Variants in TRPM3 observed in about 807,000 individuals in gnomAD.
The protein encoded by TRPM3 is transient receptor potential cation channel subfamily M member 3.
In TRPM3, 77 loss-of-function variants were observed where a neutral mutation model predicts 181.2. The observed-to-expected ratio is 0.42, with a 90% CI of 0.35 to 0.51. The LOEUF (loss-of-function observed/expected upper bound fraction) is 0.51. TRPM3 is among the 20% of genes least tolerant of loss of function. The pLI, the probability that TRPM3 is intolerant of heterozygous loss-of-function variation, is 0.01. For missense variants in TRPM3, 1,759 were observed against 2,196.7 expected (o/e 0.80, Z 3.98); for synonymous variants, 745 against 796.4 (o/e 0.94, Z 1.09).
At chr9:70,868,208 G>C (rs1052071313) in intron 1 of TRPM3, among the ~76,000 whole-genome samples, 1 of 151,954 alleles carries the variant, frequency 6.6e-6, no homozygotes, top group Admixed American at 6.6e-5. Flanking sequence ...GTTTGTGAAG[G>C]GCTGGTTATT....
At chr9:71,373,501 T>C (rs1412444043) in intron 1 of TRPM3, among the ~76,000 whole-genome samples, 6 of 152,106 alleles carry the variant, frequency 3.9e-5, no homozygotes, top group Non-Finnish European at 8.8e-5. Flanking sequence ...TATACAAACC[T>C]CTATGCACAT....
intron 8 of TRPM3, among the ~76,000 whole-genome samples, chr9:70,748,301 G>A (rs548867906): frequency 2.6e-5 from 4 of 152,264 alleles, no homozygotes; most frequent in South Asian, 4.1e-4. Flanking sequence ...AAGAGAGAAT[G>A]TGGTGTTAAT....
intron 1 of TRPM3, among the ~76,000 whole-genome samples, chr9:71,061,445 G>A (rs943969262): frequency 6.6e-6 from 1 of 152,212 alleles, no homozygotes; most frequent in Non-Finnish European, 1.5e-5. Flanking sequence ...CCTGGCTGGT[G>A]TCAGGAAAGT....
chr9:70,822,657 T>C (rs2093273685), intron 6 of TRPM3, among the ~76,000 whole-genome samples: 1 of 152,030 alleles, frequency 6.6e-6, no homozygotes, highest in Admixed American at 6.5e-5. Flanking sequence ...ACAATGTAAA[T>C]ATATTTAAGG....
intron 1 of TRPM3, among the ~76,000 whole-genome samples, chr9:71,304,614 TG>T (rs1368075457): frequency 6.6e-6 from 1 of 152,212 alleles, no homozygotes; most frequent in Admixed American, 6.5e-5. Context: ...TATTGAATAG[TG>T]CATCATAGAC....
chr9:70,594,031 G>C (rs2058575916), intron 21 of TRPM3, among the ~76,000 whole-genome samples: 1 of 147,932 alleles, frequency 6.8e-6, no homozygotes, highest in Admixed American at 6.8e-5. Flanking sequence ...TTTTCATCTT[G>C]ACTTTGCTAG....
chr9:70,991,555 GTTTTTTTT>G (rs56157123), intron 1 of TRPM3, among the ~76,000 whole-genome samples: 1 of 124,536 alleles, frequency 8.0e-6, no homozygotes, highest in Non-Finnish European at 1.6e-5. Flanking sequence ...CTATGTGTCT[GTTTTTTTT>G]TTTTTTTTTT....
chr9:70,618,956 G>A lies in TRPM3; in HGVS notation c.2269C>T (p.Arg757Cys). The A allele has an allele frequency of 1.9e-6, 3 of 1,614,002 alleles. No individual in the cohort carries two copies. The highest frequency in any genetic ancestry group is 1.7e-6 in the Non-Finnish European group (2 of 1,179,998). Residue 757 changes from arginine to cysteine, a missense_variant, in exon 17 of 26, where the codon CGC becomes TGC. Coordinates refer to ENST00000677713, the MANE Select transcript of TRPM3 (RefSeq NM_001366145.2). ...CLQLAVAAKH[R>C]DFIAHTCSQM... The stretch of plus-strand genomic sequence containing the variant: ...CTGCACGTGTGCGCGATGAAGTCGC[G>A]GTGTTTGGCAGCCACGGCAAGCTGC...
chr9:70,793,351 G>A (rs1302830104), intron 6 of TRPM3, among the ~76,000 whole-genome samples: 1 of 151,380 alleles, frequency 6.6e-6, no homozygotes, highest in Non-Finnish European at 1.5e-5. Flanking sequence ...AGCTACTCAG[G>A]ACCCTGAGGT....
At chr9:70,639,732 C>A (rs556486533) in intron 10 of TRPM3, among the ~76,000 whole-genome samples, 1 of 147,080 alleles carries the variant, frequency 6.8e-6, no homozygotes, top group Non-Finnish European at 1.5e-5. Context: ...GAACAACCAG[C>A]CTACTTTCTG....
chr9:71,420,999 A>AAGGGAGAGAAAAAG (rs2093759846), intron 1 of TRPM3, among the ~76,000 whole-genome samples: 1 of 111,038 alleles, frequency 9.0e-6, no homozygotes, highest in Non-Finnish European at 2.0e-5. Flanking sequence ...GAGAGAGAAA[A>AAGGGAGAGAAAAAG]AGAGAGAAAA....
At chr9:70,740,079 T>C (rs1180126653) in intron 8 of TRPM3, among the ~76,000 whole-genome samples, 1 of 152,094 alleles carries the variant, frequency 6.6e-6, no homozygotes, top group East Asian at 1.9e-4. Flanking sequence ...ACTCTACAGA[T>C]TCCTCCAAAA....
chr9:70,640,268 A>G (rs185440641), intron 10 of TRPM3, among the ~76,000 whole-genome samples: 312 of 152,268 alleles, frequency 2.0e-3, no homozygotes, highest in African/African-American at 7.2e-3. Context: ...TTTGTCTTAT[A>G]TTTTTTCAGA....
At chr9:70,580,001 A>C (rs144921336) in intron 22 of TRPM3, among the ~76,000 whole-genome samples, 306 of 152,236 alleles carry the variant, frequency 2.0e-3, no homozygotes, top group Non-Finnish European at 3.4e-3. Flanking sequence ...TGCTGATTTC[A>C]GCTATTTTGG....
At chr9:70,826,620 G>A (rs1254853833) in intron 6 of TRPM3, 1 of 152,246 alleles carries the variant, frequency 6.6e-6, no homozygotes, top group African/African-American at 2.4e-5. Context: ...GTTTTTGGAG[G>A]AAGGTGGCGA....
intron 7 of TRPM3, among the ~76,000 whole-genome samples, chr9:70,765,415 A>AC (rs1384714349): frequency 6.6e-6 from 1 of 151,820 alleles, no homozygotes; most frequent in East Asian, 1.9e-4. Context: ...ACATATTGAA[A>AC]CCCCACCTCT....
intron 1 of TRPM3, among the ~76,000 whole-genome samples, chr9:71,080,509 T>C (rs889466057): frequency 1.3e-5 from 2 of 152,162 alleles, no homozygotes; most frequent in African/African-American, 2.4e-5. Context: ...AGTAAGTTTA[T>C]TTTGTGATGT....
intron 1 of TRPM3, among the ~76,000 whole-genome samples, chr9:71,264,143 AGT>A (rs1192891541): frequency 6.6e-6 from 1 of 152,112 alleles, no homozygotes; most frequent in Non-Finnish European, 1.5e-5. Flanking sequence ...CCACACAATT[AGT>A]GTGACTTACC....
chr9:71,034,403 G>A (rs545809971), intron 1 of TRPM3, among the ~76,000 whole-genome samples: 1 of 152,002 alleles, frequency 6.6e-6, no homozygotes, highest in Non-Finnish European at 1.5e-5. Context: ...CTGAAACATG[G>A]GAAAAAAGAG....
Sources: allele counts gnomAD v4.1 joint callset (sites outside exome capture counted in the v4.1 genomes callset), GRCh38; gene constraint gnomAD v4.1.1; transcripts MANE v1.5; gene names NCBI Gene and HGNC (gene_info 2026-07-23, HGNC 2026-07-21).